Variants in LOC122539214 observed in about 807,000 individuals in gnomAD.
the LOC122539214 span, chr19:52,653,140 C>G: frequency 2.0e-6 from 3 of 1,472,300 alleles, no homozygotes; most frequent in Non-Finnish European, 2.8e-6. Flanking sequence ...ACACTCATGA[C>G]AGTTGTAAGG....
chr19:52,656,894 C>G, the LOC122539214 span, among the ~76,000 whole-genome samples: 1 of 149,270 alleles, frequency 6.7e-6, no homozygotes, highest in African/African-American at 2.5e-5. Context: ...AAATCATGGG[C>G]TTCTCCATTA....
At chr19:52,689,964 G>A in the LOC122539214 span, among the ~76,000 whole-genome samples, 3 of 149,250 alleles carry the variant, frequency 2.0e-5, no homozygotes, top group Non-Finnish European at 3.0e-5. Flanking sequence ...GGCCCGGCAC[G>A]AGGAGGGAGG....
the LOC122539214 span, among the ~76,000 whole-genome samples, chr19:52,685,166 C>CT: frequency 1.3e-5 from 2 of 152,206 alleles, no homozygotes; most frequent in Non-Finnish European, 2.9e-5. Context: ...GACACCCACT[C>CT]TATTTTGCCA....
chr19:52,667,278 A>G, the LOC122539214 span, among the ~76,000 whole-genome samples: 1 of 151,798 alleles, frequency 6.6e-6, no homozygotes. Flanking sequence ...AGAATGTTAT[A>G]TGGTAAATTC....
chr19:52,664,576 T>C, the LOC122539214 span, among the ~76,000 whole-genome samples: 1 of 152,030 alleles, frequency 6.6e-6, no homozygotes, highest in African/African-American at 2.4e-5. Context: ...CACGAACTTT[T>C]AAGTCCACGC....
the LOC122539214 span, among the ~76,000 whole-genome samples, chr19:52,671,951 G>A: frequency 6.6e-6 from 1 of 152,068 alleles, no homozygotes; most frequent in Non-Finnish European, 1.5e-5. Flanking sequence ...TTATAAAATT[G>A]GCTGGGCACA....
At chr19:52,674,067 A>G in the LOC122539214 span, 1 of 151,904 alleles carries the variant, frequency 6.6e-6, no homozygotes, top group African/African-American at 2.4e-5. Flanking sequence ...CTTGGAAAGC[A>G]CCACACATTT....
the LOC122539214 span, among the ~76,000 whole-genome samples, chr19:52,683,260 GTGTGTGTGTGTGTGTGTGTGTA>G: frequency 0.099 from 14,042 of 142,456 alleles, 747 homozygotes; most frequent in Middle Eastern, 0.15. Flanking sequence ...GTGTGTGTGT[GTGTGTGTGTGTGTGTGTGTGTA>G]TGCTCACGTG....
the LOC122539214 span, among the ~76,000 whole-genome samples, chr19:52,687,417 A>AATTTATATTATAATTTATATAGCT: frequency 1.9e-5 from 1 of 52,558 alleles, no homozygotes; most frequent in African/African-American, 1.1e-4. Context: ...TATAAATTAT[A>AATTTATATTATAATTTATATAGCT]ATATAAATTA....
the LOC122539214 span, chr19:52,654,939 T>A: frequency 6.5e-6 from 1 of 152,898 alleles, no homozygotes; most frequent in East Asian, 1.9e-4. Context: ...ATCCCAACAC[T>A]TGGCTAGAGG....
At chr19:52,685,241 G>A in the LOC122539214 span, among the ~76,000 whole-genome samples, 48 of 152,232 alleles carry the variant, frequency 3.2e-4, 1 homozygote, top group Middle Eastern at 0.014. Flanking sequence ...TCTCCAAGTT[G>A]CAGGGACGCT....
chr19:52,669,998 C>A, the LOC122539214 span, among the ~76,000 whole-genome samples: 15 of 152,342 alleles, frequency 9.8e-5, no homozygotes, highest in African/African-American at 3.4e-4. Context: ...TTCTAAATTT[C>A]TTTTCAAAGA....
the LOC122539214 span, chr19:52,652,623 G>A: frequency 2.2e-6 from 1 of 463,398 alleles, no homozygotes; most frequent in Non-Finnish European, 4.3e-6. Context: ...TGAAATATCT[G>A]CCACATTTAC....
the LOC122539214 span, among the ~76,000 whole-genome samples, chr19:52,671,922 C>A: frequency 6.6e-6 from 1 of 152,032 alleles, no homozygotes; most frequent in Non-Finnish European, 1.5e-5. Flanking sequence ...TACTTGGGCC[C>A]TGAAAAAATA....
At chr19:52,658,751 C>A in the LOC122539214 span, among the ~76,000 whole-genome samples, 1 of 151,866 alleles carries the variant, frequency 6.6e-6, no homozygotes, top group Non-Finnish European at 1.5e-5. Context: ...CCCAGTTAAG[C>A]CTGTTTACCC....
At chr19:52,689,974 G>T in the LOC122539214 span, among the ~76,000 whole-genome samples, 3 of 152,192 alleles carry the variant, frequency 2.0e-5, no homozygotes, top group Non-Finnish European at 4.4e-5. Flanking sequence ...GAGGAGGGAG[G>T]TGGGGGGCGA....
the LOC122539214 span, among the ~76,000 whole-genome samples, chr19:52,680,908 G>A: frequency 2.6e-4 from 40 of 151,432 alleles, no homozygotes; most frequent in African/African-American, 9.2e-4. Context: ...CACCGCGCCC[G>A]GCCTCCACAA....
the LOC122539214 span, among the ~76,000 whole-genome samples, chr19:52,669,435 A>C: frequency 6.6e-6 from 1 of 152,218 alleles, no homozygotes; most frequent in African/African-American, 2.4e-5. Context: ...TAATTACACT[A>C]GAGATGCTGT....
At chr19:52,666,195 CAAAGAGAGAGAGAG>C in the LOC122539214 span, among the ~76,000 whole-genome samples, 1 of 142,350 alleles carries the variant, frequency 7.0e-6, no homozygotes, top group Admixed American at 7.0e-5. Context: ...GACAGAGAGT[CAAAGAGAGAGAGAG>C]AAAGAGACAG....
Sources: gnomAD v4.1 joint callset for allele counts (sites outside exome capture counted in the v4.1 genomes callset) on GRCh38, gnomAD v4.1.1 for gene constraint, MANE v1.5 for transcripts.